NELL1: variants seen among roughly 807,000 people sequenced by gnomAD.
NELL1 encodes neural EGFL like 1, also known as protein kinase C-binding protein NELL1.
Under a neutral mutation model 107.4 loss-of-function variants are expected in NELL1, and 76 were observed. The observed-to-expected ratio is 0.71, with a 90% CI of 0.59 to 0.86. The LOEUF is 0.86. Among genes scored for constraint, NELL1 ranks in the 40% least tolerant of loss-of-function variants. The pLI, the probability that NELL1 is intolerant of heterozygous loss-of-function variation, is 0.00. For synonymous variants in NELL1, 353 were observed against 341.2 expected (o/e 1.03, Z -0.38); for missense variants, 1,024 against 1,005.5 (o/e 1.02, Z -0.25).
chr11:21,488,490 G>T (rs7946374), intron 15 of NELL1, among the ~76,000 whole-genome samples: 113,415 of 151,664 alleles, frequency 0.75, 44,156 homozygotes, highest in South Asian at 0.89. Flanking sequence ...ATTTCCTCAG[G>T]GGCTTAGGGT....
intron 14 of NELL1, among the ~76,000 whole-genome samples, chr11:21,301,464 G>A (rs985735196): frequency 3.3e-5 from 5 of 152,130 alleles, no homozygotes; most frequent in African/African-American, 9.7e-5. Context: ...GTATCTCATT[G>A]TGGTTTTCAT....
At chr11:21,273,686 C>T (rs965232805) in intron 14 of NELL1, among the ~76,000 whole-genome samples, 1 of 152,202 alleles carries the variant, frequency 6.6e-6, no homozygotes, top group Non-Finnish European at 1.5e-5. Context: ...GGAAACCCAT[C>T]AGACTAACAG....
At chr11:21,516,143 C>T (rs1855556199) in intron 15 of NELL1, among the ~76,000 whole-genome samples, 1 of 152,086 alleles carries the variant, frequency 6.6e-6, no homozygotes. Flanking sequence ...AACTTGAATC[C>T]CAGGTCCATC....
At chr11:21,551,503 A>G (rs549732272) in intron 16 of NELL1, among the ~76,000 whole-genome samples, 122 of 151,960 alleles carry the variant, frequency 8.0e-4, no homozygotes, top group African/African-American at 2.9e-3. Flanking sequence ...TCTCAAAAGA[A>G]GACATTTATG....
At chr11:20,752,668 C>T (rs1458664420) in intron 2 of NELL1, among the ~76,000 whole-genome samples, 1 of 152,186 alleles carries the variant, frequency 6.6e-6, no homozygotes, top group East Asian at 1.9e-4. Flanking sequence ...TGGAAGTAGT[C>T]ATTTCAACAG....
intron 12 of NELL1, among the ~76,000 whole-genome samples, chr11:20,975,832 T>C (rs1260505657): frequency 1.6e-4 from 18 of 113,278 alleles, no homozygotes; most frequent in East Asian, 5.7e-4. Flanking sequence ...ATTATATATG[T>C]ACATATGTGT....
At chr11:20,806,077 A>G (rs1328806051) in intron 3 of NELL1, among the ~76,000 whole-genome samples, 3 of 150,752 alleles carry the variant, frequency 2.0e-5, no homozygotes. Context: ...ACTTACTAAT[A>G]CCAGAGAGTT....
At chr11:21,392,814 A>G (rs895647026) in intron 15 of NELL1, among the ~76,000 whole-genome samples, 29 of 151,674 alleles carry the variant, frequency 1.9e-4, no homozygotes, top group Admixed American at 4.6e-4. Flanking sequence ...AAATTTATCA[A>G]CAGAGACTTT....
intron 15 of NELL1, among the ~76,000 whole-genome samples, chr11:21,376,806 C>T (rs1851492307): frequency 6.6e-6 from 1 of 151,818 alleles, no homozygotes; most frequent in Non-Finnish European, 1.5e-5. Context: ...TTTTGTGTGG[C>T]TATTGTAAAT....
intron 3 of NELL1, among the ~76,000 whole-genome samples, chr11:20,820,714 T>A (rs535935410): frequency 6.6e-6 from 1 of 152,148 alleles, no homozygotes; most frequent in Non-Finnish European, 1.5e-5. Flanking sequence ...CTATTTCTCT[T>A]GTCAAAGAAT....
intron 15 of NELL1, among the ~76,000 whole-genome samples, chr11:21,435,860 A>G (rs1853102510): frequency 6.6e-6 from 1 of 151,804 alleles, no homozygotes; most frequent in South Asian, 2.1e-4. Flanking sequence ...GCTTCATAGA[A>G]TGAGTTAAGA....
chr11:21,493,902 A>G (rs1466861022), intron 15 of NELL1, among the ~76,000 whole-genome samples: 1 of 151,984 alleles, frequency 6.6e-6, no homozygotes, highest in African/African-American at 2.4e-5. Flanking sequence ...TAAAATATTG[A>G]TATGCCGTGG....
At chr11:20,915,728 T>C (rs1361048908) in intron 5 of NELL1, among the ~76,000 whole-genome samples, 2 of 133,224 alleles carry the variant, frequency 1.5e-5, no homozygotes, top group African/African-American at 5.5e-5. Context: ...TTTTTTTTTT[T>C]TTTTTTTGAG....
At chr11:20,930,204 A>G (rs1590429070) in intron 9 of NELL1, among the ~76,000 whole-genome samples, 2 of 152,160 alleles carry the variant, frequency 1.3e-5, no homozygotes, top group South Asian at 2.1e-4. Context: ...AACACAGAGA[A>G]TCATAAAGAT....
chr11:21,354,857 AGTCTCTAGACT>A (rs140609141), intron 14 of NELL1, among the ~76,000 whole-genome samples: 4,265 of 152,244 alleles, frequency 0.028, 182 homozygotes, highest in African/African-American at 0.097. Context: ...TCTCTTTAAA[AGTCTCTAGACT>A]GTGACCTCCA....
intron 3 of NELL1, among the ~76,000 whole-genome samples, chr11:20,827,598 A>C (rs1857912029): frequency 6.6e-6 from 1 of 151,166 alleles, no homozygotes; most frequent in African/African-American, 2.4e-5. Flanking sequence ...AGCAACCAGA[A>C]AGAGGATTGC....
chr11:20,876,682 G>A (rs1016541113), intron 4 of NELL1, among the ~76,000 whole-genome samples: 8 of 152,228 alleles, frequency 5.3e-5, no homozygotes, highest in East Asian at 1.9e-4. Flanking sequence ...GGAGAATGGC[G>A]TGAACCTGGA....
rs866213110 is a variant in NELL1, at chr11:20,760,632, C to T, written c.185-23048C>T. Among the ~76,000 whole-genome samples the T allele has an allele frequency of 1.6e-4, 25 of 152,196 alleles. 1 individual carries two copies. The highest frequency in any genetic ancestry group is 6.2e-4 in the South Asian group (3 of 4,826). ...AGAGGGAATGATTAATTAGGGCTTA[C>T]GGTGATGGATGTCAGCTCCTAGATC... On this transcript the variant is annotated intron_variant, in intron 2 of 19. Coordinates refer to ENST00000357134, the MANE Select transcript of NELL1 (RefSeq NM_006157.5).
At chr11:21,214,342 T>A (rs1857568087) in intron 13 of NELL1, among the ~76,000 whole-genome samples, 1 of 152,140 alleles carries the variant, frequency 6.6e-6, no homozygotes, top group Non-Finnish European at 1.5e-5. Flanking sequence ...TGAAGAATTC[T>A]CAAAACTTAA....
Sources: allele counts gnomAD v4.1 joint callset (sites outside exome capture counted in the v4.1 genomes callset), GRCh38; gene constraint gnomAD v4.1.1; transcripts MANE v1.5; gene names NCBI Gene and HGNC (gene_info 2026-07-23, HGNC 2026-07-21).